CTNNB1: variants seen among roughly 807,000 people sequenced by gnomAD.
CTNNB1 encodes the protein catenin beta-1.
A neutral mutation model predicts 82.5 loss-of-function variants in CTNNB1; 6 were observed. The observed-to-expected ratio is 0.07, with a 90% CI of 0.04 to 0.14. The LOEUF (loss-of-function observed/expected upper bound fraction) is 0.14. Among genes scored for constraint, CTNNB1 ranks in the 10% least tolerant of loss-of-function variants. CTNNB1 has a pLI of 1.00. For missense variants in CTNNB1, 529 were observed against 980.4 expected, an observed-to-expected ratio of 0.54 and a Z score of 6.15; for synonymous variants, 312 against 329.7, an observed-to-expected ratio of 0.95 and a Z score of 0.58.
At chr3:41,228,605 C>G (rs867856261) in intron 7 of CTNNB1, among the ~76,000 whole-genome samples, 21 of 152,148 alleles carry the variant, frequency 1.4e-4, no homozygotes, top group Non-Finnish European at 2.9e-4. Flanking sequence ...ATTGTAAACT[C>G]TGGATATTAG....
intron 7 of CTNNB1, among the ~76,000 whole-genome samples, chr3:41,230,637 A>G (rs895671042): frequency 2.0e-5 from 3 of 152,184 alleles, no homozygotes; most frequent in Non-Finnish European, 4.4e-5. Flanking sequence ...AATAGTGATG[A>G]GAATTAATGG....
chr3:41,237,043 A>C (rs1310057740), intron 13 of CTNNB1: 7 of 439,256 alleles, frequency 1.6e-5, no homozygotes. Flanking sequence ...ACAGTTTATC[A>C]GTATTTTTTA....
intron 1 of CTNNB1, among the ~76,000 whole-genome samples, chr3:41,222,729 G>A (rs1163961782): frequency 6.6e-6 from 1 of 152,214 alleles, no homozygotes; most frequent in Non-Finnish European, 1.5e-5. Flanking sequence ...GAAGCCGGAT[G>A]TATCAAAGCA....
chr3:41,202,564 G>A (rs1309014706), intron 1 of CTNNB1, among the ~76,000 whole-genome samples: 3 of 152,086 alleles, frequency 2.0e-5, no homozygotes, highest in African/African-American at 7.2e-5. Flanking sequence ...CATAGCCCAG[G>A]AGCGGCTTCT....
chr3:41,204,522 T>C (rs1374021131), intron 1 of CTNNB1, among the ~76,000 whole-genome samples: 1 of 152,128 alleles, frequency 6.6e-6, no homozygotes, highest in Non-Finnish European at 1.5e-5. Context: ...GCCAGTTAGG[T>C]ATTGGGTAAA....
chr3:41,233,847 T>C lies in CTNNB1; in HGVS notation c.1504T>C (p.Ser502Pro), dbSNP rs751814202. ...TGTGGTTAAGCTCTTACACCCACCA[T>C]CCCACTGGCCTCTGATAAAGGTAAA... is the stretch of plus-strand genomic sequence containing the variant. ...PVVVKLLHPP[S>P]HWPLIKATVG... The change falls in exon 9 of 15, where the codon TCC (serine) becomes CCC (proline). Residue 502 changes from serine (S) to proline (P), a missense_variant. By Grantham distance (74) the Ser-to-Pro change is moderately conservative. Transcript: ENST00000349496. 1 of 1,614,074 alleles carries C rather than the reference T, an allele frequency of 6.2e-7. No individual in the cohort carries two copies. The highest frequency in any genetic ancestry group is 8.5e-7 in the Non-Finnish European group (1 of 1,179,978).
intron 1 of CTNNB1, chr3:41,220,453 A>G (rs1012492342): frequency 3.7e-5 from 5 of 134,068 alleles, no homozygotes; most frequent in Non-Finnish European, 7.8e-5. Flanking sequence ...GAAGGAAGAA[A>G]GCAGAAAAGA....
chr3:41,220,195 T>G (rs1325164361), intron 1 of CTNNB1, among the ~76,000 whole-genome samples: 2 of 152,090 alleles, frequency 1.3e-5, no homozygotes, highest in Non-Finnish European at 2.9e-5. Flanking sequence ...ATTTCCTATT[T>G]CTTTTTTTTT....
chr3:41,237,756 C>T, intron 13 of CTNNB1: 2 of 436,618 alleles, frequency 4.6e-6, no homozygotes, highest in Non-Finnish European at 8.3e-6. Flanking sequence ...CAGTGCCTGG[C>T]AGCACATAAT....
chr3:41,225,684 T>C lies in CTNNB1; in HGVS notation c.759T>C (p.Phe253=). The C allele has an allele frequency of 2.5e-6, 4 of 1,614,158 alleles. No homozygotes were observed. Among genetic ancestry groups the C allele is most frequent in the African/African-American group, 1.3e-5 (1 of 75,034 alleles). ...MLGSPVDSVL[F]YAITTLHNLL... is the part of the protein sequence containing the mutation. The stretch of plus-strand genomic sequence containing the variant: ...GTTCACCAGTGGATTCTGTGTTGTT[T>C]TATGCCATTACAACTCTCCACAACC... Residue 253 remains phenylalanine, a synonymous_variant, in exon 6 of 15, where the codon TTT becomes TTC. Coordinates refer to ENST00000349496, the MANE Select transcript of CTNNB1 (RefSeq NM_001904.4). The surrounding 1 kb of genome is among the most constrained non-coding windows in gnomAD (Gnocchi z 5.3).
At chr3:41,236,840 T>C (rs777625483) in intron 13 of CTNNB1, 131 bp downstream of exon 13, 3 of 1,216,990 alleles carry the variant, frequency 2.5e-6, no homozygotes, top group Middle Eastern at 2.7e-4. Context: ...ATTTCTTCTT[T>C]ATGCTGTCTA....
chr3:41,210,235 CG>C (rs1455501553), intron 1 of CTNNB1, among the ~76,000 whole-genome samples: 1 of 151,970 alleles, frequency 6.6e-6, no homozygotes, highest in Non-Finnish European at 1.5e-5. Context: ...AGGCGGATCA[CG>C]AGGTCAGGAG....
intron 10 of CTNNB1, 40 bp downstream of exon 10, chr3:41,234,337 G>T: frequency 6.2e-7 from 1 of 1,607,400 alleles, no homozygotes; most frequent in South Asian, 1.1e-5. Context: ...TATCTAAAAG[G>T]AATGCATAAA....
intron 13 of CTNNB1, chr3:41,236,917 G>A: frequency 1.6e-6 from 1 of 622,710 alleles, no homozygotes; most frequent in South Asian, 2.0e-5. Flanking sequence ...TTACAAATAA[G>A]TTGTGTTATT....
chr3:41,223,567 A>G (rs2078102298), intron 1 of CTNNB1, among the ~76,000 whole-genome samples: 1 of 152,126 alleles, frequency 6.6e-6, no homozygotes, highest in African/African-American at 2.4e-5. Flanking sequence ...TCAGAAAACA[A>G]CTTGTTAAAG....
chr3:41,219,248 T>C (rs144426395), intron 1 of CTNNB1, among the ~76,000 whole-genome samples: 11 of 152,332 alleles, frequency 7.2e-5, no homozygotes, highest in South Asian at 6.2e-4. Context: ...GTCTTTTTTT[T>C]CCCCTGAAGT....
At chr3:41,212,319 A>G (rs1222714226) in intron 1 of CTNNB1, among the ~76,000 whole-genome samples, 1 of 152,076 alleles carries the variant, frequency 6.6e-6, no homozygotes, top group Non-Finnish European at 1.5e-5. Flanking sequence ...TTCTGGAATC[A>G]CCCAACCTTT....
rs568523945 is a variant in CTNNB1 at position 41,237,020 on chromosome 3, C to T, written c.2076+311C>T. 3.5e-5 allele frequency: 19 copies of T among 538,688 alleles called. No homozygotes were observed. In the South Asian group the frequency reaches 4.2e-4, roughly 12 times the overall value. 33.4% of individuals were successfully genotyped at this position (538,688 alleles called of 1,614,324 possible). On this transcript the variant is annotated intron_variant, in intron 13 of 14. Coordinates refer to ENST00000349496, the MANE Select transcript of CTNNB1 (RefSeq NM_001904.4). Reference sequence around the variant, plus strand: ...ATGTAAGGAAAGAGGCAGTGTTAAACACTGTTAAGAGGACAGTTTATCAGT... The same window carrying T: ...ATGTAAGGAAAGAGGCAGTGTTAAATACTGTTAAGAGGACAGTTTATCAGT...
chr3:41,235,840 G>A lies in CTNNB1; in HGVS notation c.1800G>A (p.Val600=), dbSNP rs2125645092. 6.2e-7 allele frequency: 1 copy of A among 1,614,090 alleles called. No homozygotes were observed. The highest frequency in any genetic ancestry group is 8.5e-7 in the Non-Finnish European group (1 of 1,179,954). ...GACTAAATACCATTCCATTGTTTGTGCAGGTATGTTTTAAGTGAAGTGTTC... is the reference window on the plus strand; with the variant it reads ...GACTAAATACCATTCCATTGTTTGTACAGGTATGTTTTAAGTGAAGTGTTC... ...IRGLNTIPLF[V]QLLYSPIENI... is the part of the protein sequence containing the mutation. Residue 600 remains valine (V), a synonymous_variant, in exon 11 of 15, where the codon GTG becomes GTA. Coordinates refer to ENST00000349496, the MANE Select transcript of CTNNB1 (RefSeq NM_001904.4).
Sources: gnomAD v4.1 joint callset for allele counts (sites outside exome capture counted in the v4.1 genomes callset) on GRCh38, gnomAD v4.1.1 for gene constraint, Gnocchi (gnomAD v3.1) non-coding constraint, MANE v1.5 for transcripts, NCBI Gene and HGNC (gene_info 2026-07-23, HGNC 2026-07-21) for gene names.